DNAH7: variants seen among roughly 807,000 people sequenced by gnomAD.
DNAH7 encodes the protein dynein axonemal heavy chain 7, also known as axonemal beta dynein heavy chain 7.
Under a neutral mutation model 444.6 loss-of-function variants are expected in DNAH7, and 397 were observed. The ratio of observed to expected loss-of-function variants is 0.89; its 90% CI spans 0.82 to 0.97. DNAH7 has a LOEUF of 0.97. Ranked by LOEUF, DNAH7 falls within the 50% of genes least tolerant of loss-of-function variation. DNAH7 has a pLI of 0.00. For missense variants in DNAH7, 4,902 were observed against 4,800.8 expected, an observed-to-expected ratio of 1.02 and a Z score of -0.62; for synonymous variants, 1,636 against 1,624.4, an observed-to-expected ratio of 1.01 and a Z score of -0.17.
In DNAH7 at chr2:195,737,995, T is replaced by C. The variant is rs200924607; in HGVS notation, c.12001A>G (p.Thr4001Ala). 6.8e-6 allele frequency: 11 copies of C among 1,613,868 alleles called. No homozygotes were observed. Among genetic ancestry groups the C allele is most frequent in the African/African-American group, 1.3e-5 (1 of 74,886 alleles). ...TCCTTGGGTTGGTCAGAGGGAAGAG[T>C]CATGGCAATCACAAAATTCGTGGAA... is the stretch of plus-strand genomic sequence containing the variant. ...GHSTNFVIAM[T>A]LPSDQPKEHW... Residue 4001 changes from threonine (T) to alanine (A), a missense_variant, in exon 65 of 65, where the codon ACT becomes GCT. By Grantham distance (58) the Thr-to-Ala change is moderately conservative. Transcript: ENST00000312428.
At chr2:196,039,728 G>A (rs1696619908) in intron 5 of DNAH7, among the ~76,000 whole-genome samples, 1 of 151,400 alleles carries the variant, frequency 6.6e-6, no homozygotes, top group Non-Finnish European at 1.5e-5. Context: ...GAACCCAGGA[G>A]GTGGAGGTTG....
chr2:195,972,468 T>G lies in DNAH7; in HGVS notation c.1834-2A>C. On this transcript the variant is annotated splice_acceptor_variant, in intron 15 of 64. Transcript: ENST00000312428. LOFTEE classifies it high-confidence loss of function. The stretch of plus-strand genomic sequence containing the variant: ...TACCTCCACTTTCTGAATGTAAGCC[T>G]GAGGGAAAACAAAAATTACAGGTGA... The G allele has an allele frequency of 1.2e-6, 2 of 1,611,890 alleles. No homozygotes were observed. The highest frequency in any genetic ancestry group is 2.7e-5 in the African/African-American group (2 of 74,962).
rs185436552 is a variant in DNAH7, at chr2:195,858,479, C to A, written c.8062G>T (p.Ala2688Ser). Residue 2688 changes from alanine (A) to serine (S), a missense_variant, in exon 43 of 65, where the codon GCA (alanine) becomes TCA (serine). Transcript: ENST00000312428. ...SALAALDTLT[A>S]QDITVVKSMK... The stretch of plus-strand genomic sequence containing the variant: ...GTGTATGGCGAAGCTCTTACCTGTG[C>A]AGTAAGAGTATCAAGGGCGGCCAGT... 233 of 1,598,550 alleles carry A rather than the reference C, an allele frequency of 1.5e-4. 1 individual carries two copies. The East Asian group carries it at 4.9e-3, about 34-fold the overall frequency.
intron 39 of DNAH7, among the ~76,000 whole-genome samples, chr2:195,873,137 C>T (rs1041715838): frequency 1.3e-5 from 2 of 152,266 alleles, no homozygotes; most frequent in East Asian, 3.9e-4. Flanking sequence ...ACAGACTTCC[C>T]CTGCCCAGGT....
At chr2:195,765,335 A>G (rs1694521242) in intron 61 of DNAH7, among the ~76,000 whole-genome samples, 1 of 152,186 alleles carries the variant, frequency 6.6e-6, no homozygotes, top group Non-Finnish European at 1.5e-5. Context: ...TCCTTGAGTA[A>G]TACTCCACAG....
At chr2:195,895,350 G>A in intron 29 of DNAH7, 126 bp from the exon 30 acceptor site, 3 of 595,500 alleles carry the variant, frequency 5.0e-6, no homozygotes, top group East Asian at 3.2e-5. Flanking sequence ...GCTTTATAGA[G>A]GAATAGTTCA....
intron 57 of DNAH7, among the ~76,000 whole-genome samples, chr2:195,790,504 T>A (rs1374509766): frequency 6.9e-6 from 1 of 145,364 alleles, no homozygotes; most frequent in South Asian, 2.2e-4. Flanking sequence ...CATAGACCAA[T>A]GGAAGAGAAT....
At chr2:196,024,150 C>T (rs984788628) in intron 8 of DNAH7, among the ~76,000 whole-genome samples, 6 of 152,044 alleles carry the variant, frequency 3.9e-5, no homozygotes, top group Admixed American at 2.0e-4. Flanking sequence ...AGTGAGCACA[C>T]ACTGTTAGAA....
At chr2:195,804,221 C>T (rs1426005912) in intron 54 of DNAH7, among the ~76,000 whole-genome samples, 1 of 152,174 alleles carries the variant, frequency 6.6e-6, no homozygotes, top group East Asian at 1.9e-4. Flanking sequence ...CCCCATTCAG[C>T]AATGCTCTTC....
intron 51 of DNAH7, among the ~76,000 whole-genome samples, chr2:195,813,425 A>G (rs1296581863): frequency 2.0e-5 from 3 of 152,210 alleles, no homozygotes; most frequent in Admixed American, 6.5e-5. Flanking sequence ...AAGACCCAGA[A>G]GCCATTTCTT....
chr2:195,776,096 G>A (rs1695045485), intron 59 of DNAH7, 113 bp from the exon 60 acceptor site: 3 of 1,291,104 alleles, frequency 2.3e-6, no homozygotes, highest in Non-Finnish European at 3.2e-6. Flanking sequence ...ATAGGCCTGT[G>A]ACACTGGACA....
Position 195,771,791 on chromosome 2 carries a change from C to T in DNAH7, c.11302G>A (p.Ala3768Thr). The T allele has an allele frequency of 6.2e-7, 1 of 1,614,122 alleles. No individual in the cohort carries two copies. Among genetic ancestry groups the T allele is most frequent in the African/African-American group, 1.3e-5 (1 of 75,030 alleles). The change falls in exon 61 of 65, where the codon GCT (alanine) becomes ACT (threonine). Residue 3768 changes from alanine to threonine, a missense_variant. Coordinates refer to ENST00000312428, the MANE Select transcript of DNAH7 (RefSeq NM_018897.3). ...GKLPNNFDIE[A>T]AMRRYPTTYT... ...GTTGTTGGGTACCTCCTCATGGCAGCCTCGATGTCGAAGTTGTTTGGAAGT... is the reference window on the plus strand; with the variant it reads ...GTTGTTGGGTACCTCCTCATGGCAGTCTCGATGTCGAAGTTGTTTGGAAGT...
Position 195,773,566 on chromosome 2 carries a change from T to C in DNAH7, c.11203-1676A>G, listed in dbSNP as rs528867821. 2.6e-4 allele frequency among the ~76,000 whole-genome samples: 40 copies of C among 152,330 alleles called. No individual in the cohort carries two copies. In the South Asian group the frequency reaches 8.3e-3, roughly 32 times the overall value. ...TAGGTTTTTGAAAGTAATATCCAAC[T>C]GATACTGATAATTAAGAGCAATTGG... On this transcript the variant is annotated intron_variant, in intron 60 of 64. Coordinates refer to ENST00000312428, the MANE Select transcript of DNAH7 (RefSeq NM_018897.3).
At chr2:195,813,261 T>C (rs529930988) in intron 51 of DNAH7, among the ~76,000 whole-genome samples, 4 of 152,348 alleles carry the variant, frequency 2.6e-5, no homozygotes, top group Non-Finnish European at 4.4e-5. Flanking sequence ...CAATTCTTTA[T>C]GTTGAAAATA....
In DNAH7 at chr2:195,881,713, A is replaced by T. The variant is rs556667156; in HGVS notation, c.5961+82T>A. 79 of 1,404,560 alleles carry T rather than the reference A, an allele frequency of 5.6e-5. No individual in the cohort carries two copies. In the African/African-American group the frequency reaches 5.9e-4, roughly 11 times the overall value. 87.0% of individuals were successfully genotyped at this position (1,404,560 alleles called of 1,614,324 possible). On this transcript the variant is annotated intron_variant, in intron 36 of 64. Coordinates refer to ENST00000312428, the MANE Select transcript of DNAH7 (RefSeq NM_018897.3). ...AACATCAAAGTACTTGAGTATTTTT[A>T]AAAAATTATTTGTCTGCTATTTCAA...
At chr2:195,985,786 A>C (rs1363660610) in intron 14 of DNAH7, among the ~76,000 whole-genome samples, 1 of 152,192 alleles carries the variant, frequency 6.6e-6, no homozygotes, top group Non-Finnish European at 1.5e-5. Flanking sequence ...AGCAATAAGA[A>C]GACACTTTCA....
At chr2:195,767,495 T>G (rs1694641297) in intron 61 of DNAH7, among the ~76,000 whole-genome samples, 1 of 151,986 alleles carries the variant, frequency 6.6e-6, no homozygotes, top group Non-Finnish European at 1.5e-5. Context: ...TCCTCAAAAT[T>G]TCCTCCTCCT....
chr2:195,895,274 T>A, intron 29 of DNAH7, 50 bp from the exon 30 acceptor site: 1 of 1,268,808 alleles, frequency 7.9e-7, no homozygotes, highest in Admixed American at 2.7e-5. Context: ...TTATATTAAA[T>A]ACAAATATTT....
intron 48 of DNAH7, among the ~76,000 whole-genome samples, chr2:195,830,845 C>T (rs929531342): frequency 6.6e-6 from 1 of 152,154 alleles, no homozygotes; most frequent in Non-Finnish European, 1.5e-5. Flanking sequence ...AACCTATAAG[C>T]TTCATGAAAC....
Sources: allele counts gnomAD v4.1 joint callset (sites outside exome capture counted in the v4.1 genomes callset), GRCh38; gene constraint gnomAD v4.1.1; transcripts MANE v1.5; gene names NCBI Gene and HGNC (gene_info 2026-07-23, HGNC 2026-07-21).